The following DONSON variants were observed in gnomAD, a reference collection of about 807,000 sequenced individuals.
DONSON encodes the protein protein downstream neighbor of Son.
In DONSON, 43 loss-of-function variants were observed where a neutral mutation model predicts 62.1. The observed-to-expected ratio is 0.69, with a 90% CI of 0.54 to 0.89. The LOEUF (loss-of-function observed/expected upper bound fraction) is 0.89. DONSON is among the 40% of genes least tolerant of loss of function. DONSON has a pLI of 0.00. For missense variants in DONSON, 696 were observed against 697.5 expected (o/e 1.00, Z 0.03); for synonymous variants, 266 against 264.6 (o/e 1.01, Z -0.05).
intron 3 of DONSON, among the ~76,000 whole-genome samples, chr21:33,585,036 T>G (rs1266879420): frequency 7.2e-5 from 11 of 152,176 alleles, no homozygotes; most frequent in Admixed American, 6.5e-5. Context: ...TTTTTTATCA[T>G]GAGGAATAGG....
At chr21:33,587,371 C>G in intron 2 of DONSON, 151 bp downstream of exon 2, 1 of 1,371,754 alleles carries the variant, frequency 7.3e-7, no homozygotes, top group African/African-American at 1.5e-5. Flanking sequence ...GTATTTTCAT[C>G]CCTGGTTGAG....
Position 33,587,611 on chromosome 21 carries a change from A to G in DONSON, c.322-9T>C, listed in dbSNP as rs370353799. 6.4e-7 allele frequency: 1 copy of G among 1,558,244 alleles called. No individual in the cohort carries two copies. Among genetic ancestry groups the G allele is most frequent in the South Asian group, 1.2e-5 (1 of 84,882 alleles). On this transcript the variant is annotated splice_polypyrimidine_tract_variant and intron_variant, in intron 1 of 9. Transcript: ENST00000303071. Reference sequence around the variant, plus strand: ...TGATTAGAATCTAAAAACTGAGGTTAAATATATTCTCCTTTAAAATTTAAA... The same window carrying G: ...TGATTAGAATCTAAAAACTGAGGTTGAATATATTCTCCTTTAAAATTTAAA...
intron 3 of DONSON, 86 bp downstream of exon 3, chr21:33,585,892 G>T: frequency 7.8e-7 from 1 of 1,280,038 alleles, no homozygotes. Flanking sequence ...AAACTTAATG[G>T]AAGGCAGCAT....
In DONSON at chr21:33,584,685, T is replaced by A; in HGVS notation, c.690A>T (p.Pro230=). ...TATCAGCTCCAATACGAGGGAACAGTGGTAGCCAAGACAAAGCAGGGTGGA... is the reference window on the plus strand; with the variant it reads ...TATCAGCTCCAATACGAGGGAACAGAGGTAGCCAAGACAAAGCAGGGTGGA... The part of the protein sequence containing the change: ...YWLHPALSWL[P]LFPRIGADRK... The change falls in exon 4 of 10, where the codon CCA becomes CCT. Residue 230 remains proline, a synonymous_variant. Transcript: ENST00000303071. 1 of 1,613,216 alleles carries A rather than the reference T, an allele frequency of 6.2e-7. No homozygotes were observed. The highest frequency in any genetic ancestry group is 8.5e-7 in the Non-Finnish European group (1 of 1,179,368).
chr21:33,583,461 A>G (rs771879018), intron 5 of DONSON, 27 bp downstream of exon 5: 2 of 1,605,440 alleles, frequency 1.2e-6, no homozygotes, highest in Non-Finnish European at 1.7e-6. Context: ...ATAGTATAGT[A>G]TTCTCACTTT....
rs544457326 is a variant in DONSON, at chr21:33,578,967, G to A, written c.1563+383C>T. On this transcript the variant is annotated intron_variant, in intron 9 of 9. Transcript: ENST00000303071. ...GCCTGGCCAACATGGTGAAACCCCC[G>A]TCTCTAATAAAGATACAAAAAATAG... Among the ~76,000 whole-genome samples, 12 of 152,050 alleles carry A rather than the reference G, an allele frequency of 7.9e-5. No individual in the cohort carries two copies. In the East Asian group the frequency reaches 1.2e-3, roughly 15 times the overall value.
chr21:33,587,687 G>T (rs2086594023), intron 1 of DONSON, 85 bp from the exon 2 acceptor site: 1 of 876,820 alleles, frequency 1.1e-6, no homozygotes, highest in Non-Finnish European at 1.7e-6. Context: ...TGGCATACAT[G>T]TTTCTCAATA....
intron 8 of DONSON, among the ~76,000 whole-genome samples, chr21:33,580,258 G>C (rs1346768270): frequency 2.7e-5 from 4 of 148,138 alleles, no homozygotes; most frequent in Non-Finnish European, 6.0e-5. Context: ...ATGAATGAAT[G>C]AATGAATGAA....
In DONSON at chr21:33,581,941, G is replaced by A. The variant is rs1569075309; in HGVS notation, c.1151+10C>T. Reference sequence around the variant, plus strand: ...AAATTAATTCTAGTTAACAACAACTGAAAGGATACAGCTTGATAGAAAGTA... The same window carrying A: ...AAATTAATTCTAGTTAACAACAACTAAAAGGATACAGCTTGATAGAAAGTA... On this transcript the variant is annotated intron_variant, in intron 7 of 9. Transcript: ENST00000303071. 4 of 1,611,256 alleles carry A rather than the reference G, an allele frequency of 2.5e-6. No homozygotes were observed. In the South Asian group the frequency reaches 3.3e-5, roughly 13 times the overall value.
At chr21:33,586,953 T>C (rs565220886) in intron 2 of DONSON, among the ~76,000 whole-genome samples, 1 of 152,312 alleles carries the variant, frequency 6.6e-6, no homozygotes, top group African/African-American at 2.4e-5. Flanking sequence ...CATTCTTTTA[T>C]ATCACAATAA....
Position 33,578,200 on chromosome 21 carries a change from G to T in DONSON, c.*107C>A. The T allele has an allele frequency of 8.0e-7, 1 of 1,247,454 alleles. No individual in the cohort carries two copies. The highest frequency in any genetic ancestry group is 1.1e-6 in the Non-Finnish European group (1 of 904,968). 77.3% of individuals were successfully genotyped at this position (1,247,454 alleles called of 1,614,324 possible). ...AACCTTAGATGCTACTGTAGTAAAA[G>T]TTATGTTTATAAACATTTCAGTATA... On this transcript the variant is annotated 3_prime_UTR_variant, in exon 10 of 10. Coordinates refer to ENST00000303071, the MANE Select transcript of DONSON (RefSeq NM_017613.4).
In DONSON at chr21:33,577,649, A is replaced by C. The variant is rs868781852; in HGVS notation, c.*658T>G. On this transcript the variant is annotated 3_prime_UTR_variant, in exon 10 of 10. Transcript: ENST00000303071. ...CACACACACACACACACACACACAC[A>C]CACACACACACACACACACACACAC... 4.9e-5 allele frequency: 4 copies of C among 80,886 alleles called. No individual in the cohort carries two copies. Among genetic ancestry groups the C allele is most frequent in the African/African-American group, 1.0e-4 (2 of 19,530 alleles). 5.0% of individuals were successfully genotyped at this position (80,886 alleles called of 1,614,324 possible). A position where few individuals can be genotyped will look rare whatever the true frequency, so the allele number is the denominator to read the frequency against.
At chr21:33,584,341 C>G (rs996701096) in intron 4 of DONSON, among the ~76,000 whole-genome samples, 1 of 151,672 alleles carries the variant, frequency 6.6e-6, no homozygotes, top group African/African-American at 2.4e-5. Flanking sequence ...CCACCACACC[C>G]GGCCTGCCTG....
At position 33,580,505 on chromosome 21, in the gene DONSON, G is replaced by C. The variant is rs1325277433; in HGVS notation, c.1350+797C>G. ...AAAAAAAAAAAAAAAAAAAAAAAAA[G>C]CAGGGCATGGCAGTCCTGTGGTCCG... On this transcript the variant is annotated intron_variant, in intron 8 of 9. Coordinates refer to ENST00000303071, the MANE Select transcript of DONSON (RefSeq NM_017613.4). 1.5e-3 allele frequency among the ~76,000 whole-genome samples: 63 copies of C among 42,574 alleles called. 1 individual carries two copies. The highest frequency in any genetic ancestry group is 0.025 in the Middle Eastern group (1 of 40). 27.9% of individuals were successfully genotyped at this position (42,574 alleles called of 152,430 possible).
At chr21:33,580,866 T>C (rs2086500210) in intron 8 of DONSON, among the ~76,000 whole-genome samples, 1 of 149,192 alleles carries the variant, frequency 6.7e-6, no homozygotes, top group African/African-American at 2.5e-5. Context: ...GGTGACAGAG[T>C]GGGACTCCCT....
At position 33,586,100 on chromosome 21, in the gene DONSON, G is replaced by A. The variant is rs753740715; in HGVS notation, c.484C>T (p.Arg162Ter). Residue 162 changes from arginine (R) to a stop codon, truncating the protein, a stop_gained, in exon 3 of 10, where the codon CGA becomes TGA. Transcript: ENST00000303071. LOFTEE classifies it high-confidence loss of function. ...GGTTGAGAAGAGGTGAAAAGGAGTCGCGTTTTAATACTCCAGTCCACAGGT... is the reference window on the plus strand; with the variant it reads ...GGTTGAGAAGAGGTGAAAAGGAGTCACGTTTTAATACTCCAGTCCACAGGT... ...ELPVDWSIKT[R>*]LLFTSSQPFT... 4 of 1,614,166 alleles carry A rather than the reference G, an allele frequency of 2.5e-6. No individual in the cohort carries two copies. Among genetic ancestry groups the A allele is most frequent in the Admixed American group, 1.7e-5 (1 of 60,022 alleles).
In DONSON at chr21:33,581,935, A is replaced by G. The variant is rs1007257229; in HGVS notation, c.1151+16T>C. On this transcript the variant is annotated intron_variant, in intron 7 of 9. Coordinates refer to ENST00000303071, the MANE Select transcript of DONSON (RefSeq NM_017613.4). Reference sequence around the variant, plus strand: ...CAATGAAAATTAATTCTAGTTAACAACAACTGAAAGGATACAGCTTGATAG... The same window carrying G: ...CAATGAAAATTAATTCTAGTTAACAGCAACTGAAAGGATACAGCTTGATAG... The G allele has an allele frequency of 1.2e-6, 2 of 1,608,906 alleles. No individual in the cohort carries two copies. Among genetic ancestry groups the G allele is most frequent in the African/African-American group, 1.3e-5 (1 of 74,836 alleles).
rs2086447686 is a variant in DONSON at position 33,577,686 on chromosome 21, CACACACACACACA to C, written c.*608_*620del. 4.5e-5 allele frequency: 5 copies of C among 112,260 alleles called. No homozygotes were observed. Among genetic ancestry groups the C allele is most frequent in the African/African-American group, 1.6e-4 (4 of 24,966 alleles). The allele number at this position is 112,260 out of a possible 1,614,324, so 7.0% of individuals were successfully genotyped here. ...ACACACACACACACACACACACACA[CACACACACACACA>C]CACCCCTATAAGCACATTAAATACT... is the stretch of plus-strand genomic sequence containing the variant. On this transcript the variant is annotated 3_prime_UTR_variant, in exon 10 of 10. Coordinates refer to ENST00000303071, the MANE Select transcript of DONSON (RefSeq NM_017613.4).
Position 33,581,451 on chromosome 21 carries a change from C to T in DONSON, c.1201G>A (p.Val401Met), listed in dbSNP as rs2086510337. The T allele has an allele frequency of 1.2e-6, 2 of 1,613,974 alleles. No homozygotes were observed. Among genetic ancestry groups the T allele is most frequent in the Non-Finnish European group, 8.5e-7 (1 of 1,179,908 alleles). ...VQMDHRPESVVLVKGINTFTL... is the reference protein window; with the variant it reads ...VQMDHRPESVMLVKGINTFTL... ...AAGGTGTTGATTCCTTTTACCAACA[C>T]AACAGATTCAGGTCTGTGATCCATT... Residue 401 changes from valine (V) to methionine (M), a missense_variant, in exon 8 of 10, where the codon GTG becomes ATG. Transcript: ENST00000303071.
Sources: allele counts gnomAD v4.1 joint callset (sites outside exome capture counted in the v4.1 genomes callset), GRCh38; gene constraint gnomAD v4.1.1; transcripts MANE v1.5; gene names NCBI Gene and HGNC (gene_info 2026-07-23, HGNC 2026-07-21).